PATJ: variants seen among roughly 807,000 people sequenced by gnomAD.
PATJ encodes inaD-like protein.
PATJ carries 190 observed loss-of-function variants against 224.9 expected under a neutral mutation model. The observed-to-expected ratio is 0.84, with a 90% CI of 0.75 to 0.95. The LOEUF (loss-of-function observed/expected upper bound fraction) is 0.95. Ranked by LOEUF, PATJ falls within the 40% of genes least tolerant of loss-of-function variation. The pLI, the probability that PATJ is intolerant of heterozygous loss-of-function variation, is 0.00. For missense variants in PATJ, 2,121 were observed against 2,270.3 expected (o/e 0.93, Z 1.34); for synonymous variants, 769 against 820.3 (o/e 0.94, Z 1.07).
At chr1:61,764,972 G>T (rs892469943) in intron 3 of PATJ, among the ~76,000 whole-genome samples, 22 of 146,274 alleles carry the variant, frequency 1.5e-4, no homozygotes, top group Non-Finnish European at 2.1e-4. Flanking sequence ...ATAGTTTGGA[G>T]TTGTTATGTA....
At position 62,079,506 on chromosome 1, in the gene PATJ, A is replaced by G. The variant is rs1400780491; in HGVS notation, c.4182A>G (p.Gln1394=). The change falls in exon 32 of 44, where the codon CAA becomes CAG. Residue 1394 remains glutamine, a synonymous_variant. Transcript: ENST00000642238. ...CAACAAAAGTCTCCTTCAGTTCACA[A>G]GAGATACCATTAGCACCAGCTTCAT... ...KYPTKVSFSS[Q]EIPLAPASSY... 3 of 1,613,962 alleles carry G rather than the reference A, an allele frequency of 1.9e-6. No individual in the cohort carries two copies. The highest frequency in any genetic ancestry group is 2.7e-5 in the African/African-American group (2 of 74,952).
intron 27 of PATJ, among the ~76,000 whole-genome samples, chr1:61,984,037 C>T (rs1644597246): frequency 6.6e-6 from 1 of 151,906 alleles, no homozygotes; most frequent in South Asian, 2.1e-4. Flanking sequence ...ATTGCCCAGG[C>T]TAGTCTTGAA....
At chr1:61,954,775 A>G (rs1040805434) in intron 27 of PATJ, among the ~76,000 whole-genome samples, 13 of 135,744 alleles carry the variant, frequency 9.6e-5, no homozygotes, top group Non-Finnish European at 1.8e-4. Flanking sequence ...TTTTTTTGAG[A>G]CAGAGTCTCG....
chr1:62,135,735 T>TA (rs1244268739), intron 41 of PATJ, among the ~76,000 whole-genome samples: 1 of 152,160 alleles, frequency 6.6e-6, no homozygotes, highest in Non-Finnish European at 1.5e-5. Flanking sequence ...GCTCCTTTCT[T>TA]AAAAAGGTTG....
Position 61,861,284 on chromosome 1 carries a change from C to CTTTTTTTTTTTTTTTTTT in PATJ, c.2323-261_2323-244dup. Among the ~76,000 whole-genome samples, 189 of 48,800 alleles carry CTTTTTTTTTTTTTTTTTT rather than the reference C, an allele frequency of 3.9e-3. 11 individuals are homozygous for CTTTTTTTTTTTTTTTTTT. Among genetic ancestry groups the CTTTTTTTTTTTTTTTTTT allele is most frequent in the Middle Eastern group, 0.016 (1 of 64 alleles). The allele number at this position is 48,800 out of a possible 152,430, so 32.0% of individuals were successfully genotyped here. Reference sequence around the variant, plus strand: ...TGAAACCAGGATATTTTCTTTCTTTCTTTTTTTTTTTTTTTTTTTTTTTAC... The same window carrying CTTTTTTTTTTTTTTTTTT: ...TGAAACCAGGATATTTTCTTTCTTTCTTTTTTTTTTTTTTTTTTTTTTTTTTTTTTTTTTTTTTTTTAC... On this transcript the variant is annotated intron_variant, in intron 18 of 43. Coordinates refer to ENST00000642238, the MANE Select transcript of PATJ (RefSeq NM_001350145.3).
At chr1:61,744,284 C>CAAA (rs35247131) in intron 1 of PATJ, among the ~76,000 whole-genome samples, 24,717 of 67,380 alleles carry the variant, frequency 0.37, 5,016 homozygotes, top group Non-Finnish European at 0.43. Flanking sequence ...AACCCTGTCT[C>CAAA]AAAAAAAAAA....
Position 61,747,728 on chromosome 1 carries a change from AAAAAC to A in PATJ, c.-36+5179_-36+5183del, listed in dbSNP as rs1325951326. ...TTCCTAAAAACACGGTGGAGGAAGA[AAAAAC>A]AAAACCAAACAGGGATCTTTCTGGA... On this transcript the variant is annotated intron_variant, in intron 1 of 43. Coordinates refer to ENST00000642238, the MANE Select transcript of PATJ (RefSeq NM_001350145.3). Among the ~76,000 whole-genome samples the A allele has an allele frequency of 2.6e-5, 4 of 152,332 alleles. No individual in the cohort carries two copies. In the East Asian group the frequency reaches 5.8e-4, roughly 22 times the overall value.
At chr1:61,799,799 A>G (rs985046410) in intron 11 of PATJ, among the ~76,000 whole-genome samples, 4 of 152,164 alleles carry the variant, frequency 2.6e-5, no homozygotes, top group Admixed American at 6.5e-5. Flanking sequence ...GAGAACATGG[A>G]GTGTTTAATT....
Position 61,901,370 on chromosome 1 carries a change from G to T in PATJ, c.3292G>T (p.Glu1098Ter). The T allele has an allele frequency of 6.3e-7, 1 of 1,587,878 alleles. No individual in the cohort carries two copies. Among genetic ancestry groups the T allele is most frequent in the Non-Finnish European group, 8.5e-7 (1 of 1,170,828 alleles). The change falls in exon 24 of 44, where the codon GAG becomes TAG. Residue 1098 changes from glutamate (E) to a stop codon, truncating the protein, a stop_gained. Coordinates refer to ENST00000642238, the MANE Select transcript of PATJ (RefSeq NM_001350145.3). LOFTEE classifies it high-confidence loss of function. ...TATAAAACGTCTAAAGAATGGAGAG[G>T]AGCTTAAAGGTATATTCATCAAACA... ...TVIKRLKNGE[E>*]LKGIFIKQVL...
intron 1 of PATJ, among the ~76,000 whole-genome samples, chr1:61,757,877 C>G (rs181518825): frequency 3.0e-4 from 45 of 152,152 alleles, no homozygotes; most frequent in Admixed American, 8.5e-4. Flanking sequence ...ATGTTGAACT[C>G]CTGGGCTCAA....
chr1:61,777,247 G>GCATGA (rs1646965507), intron 7 of PATJ, among the ~76,000 whole-genome samples: 2 of 152,224 alleles, frequency 1.3e-5, no homozygotes, highest in South Asian at 4.1e-4. Flanking sequence ...TTTACCATAA[G>GCATGA]CATGACATTT....
chr1:61,778,699 T>G (rs1647072005), intron 7 of PATJ, among the ~76,000 whole-genome samples: 1 of 150,120 alleles, frequency 6.7e-6, no homozygotes, highest in Non-Finnish European at 1.5e-5. Context: ...CTCTTACTAA[T>G]ATATATATAT....
rs185710986 is a variant in PATJ, at chr1:62,086,457, C to G, written c.4377+1809C>G. 1.3e-5 allele frequency among the ~76,000 whole-genome samples: 2 copies of G among 152,292 alleles called. No individual in the cohort carries two copies. The highest frequency in any genetic ancestry group is 3.4e-3 in the Middle Eastern group (1 of 294). ...GGGCGACTCCCTAGAGACAATCACTCTTGTTAATGAATATGTTTTAAATGA... is the reference window on the plus strand; with the variant it reads ...GGGCGACTCCCTAGAGACAATCACTGTTGTTAATGAATATGTTTTAAATGA... On this transcript the variant is annotated intron_variant, in intron 33 of 43. Transcript: ENST00000642238. This position sits in a 1 kb window ranked among gnomAD's most constrained non-coding sequence, Gnocchi z 4.0.
intron 40 of PATJ, 59 bp from the exon 41 acceptor site, chr1:62,128,782 T>C (rs1020635976): frequency 8.4e-6 from 10 of 1,188,806 alleles, no homozygotes; most frequent in African/African-American, 1.5e-5. Flanking sequence ...TTTTAAGCAT[T>C]CTTCTCAAAT....
chr1:61,888,589 C>A (rs1369339145), intron 22 of PATJ, among the ~76,000 whole-genome samples: 2 of 152,150 alleles, frequency 1.3e-5, no homozygotes, highest in East Asian at 3.8e-4. Context: ...TTAAATTTCT[C>A]TTTTGCTTAG....
intron 17 of PATJ, among the ~76,000 whole-genome samples, chr1:61,834,744 TTTTA>T (rs1659897660): frequency 1.3e-5 from 2 of 152,294 alleles, no homozygotes; most frequent in Admixed American, 6.5e-5. Context: ...TTACGTTCTA[TTTTA>T]TTTATTTTTT....
At chr1:61,876,549 G>A (rs1667355198) in intron 21 of PATJ, among the ~76,000 whole-genome samples, 1 of 152,128 alleles carries the variant, frequency 6.6e-6, no homozygotes, top group Non-Finnish European at 1.5e-5. Context: ...TTTTGGTGGG[G>A]GTGGGGTATC....
chr1:61,893,177 A>C lies in PATJ; in HGVS notation c.3132-6406A>C, dbSNP rs1406583095. ...TTCTGAAACTACTCACACTATCTAG[A>C]TAAGCTTTCACAAGTTTTATCTCTC... On this transcript the variant is annotated intron_variant, in intron 22 of 43. Coordinates refer to ENST00000642238, the MANE Select transcript of PATJ (RefSeq NM_001350145.3). 2.6e-5 allele frequency among the ~76,000 whole-genome samples: 4 copies of C among 152,184 alleles called. No individual in the cohort carries two copies. The East Asian group carries it at 7.7e-4, about 29-fold the overall frequency.
chr1:62,053,081 A>G (rs560155472), intron 31 of PATJ, among the ~76,000 whole-genome samples: 4 of 152,332 alleles, frequency 2.6e-5, no homozygotes, highest in Non-Finnish European at 5.9e-5. Flanking sequence ...GGTAAAAGCC[A>G]TCCATCATCC....
Sources: allele counts gnomAD v4.1 joint callset (sites outside exome capture counted in the v4.1 genomes callset), GRCh38; gene constraint gnomAD v4.1.1; non-coding constraint Gnocchi (gnomAD v3.1); transcripts MANE v1.5; gene names NCBI Gene and HGNC (gene_info 2026-07-23, HGNC 2026-07-21).